Variants in GRIP1 observed in about 807,000 individuals in gnomAD.
GRIP1 encodes glutamate receptor interacting protein 1.
Under a neutral mutation model 129.9 loss-of-function variants are expected in GRIP1, and 45 were observed. The ratio of observed to expected loss-of-function variants is 0.35; its 90% CI spans 0.27 to 0.44. GRIP1 has a LOEUF of 0.44. GRIP1 is among the 20% of genes least tolerant of loss of function. GRIP1 has a pLI of 1.00. For synonymous variants in GRIP1, 530 were observed against 520.8 expected, an observed-to-expected ratio of 1.02 and a Z score of -0.24; for missense variants, 1,196 against 1,396.8, an observed-to-expected ratio of 0.86 and a Z score of 2.29.
chr12:66,571,269 C>T (rs1274790619), intron 2 of GRIP1, among the ~76,000 whole-genome samples: 1 of 152,132 alleles, frequency 6.6e-6, no homozygotes, highest in South Asian at 2.1e-4. Context: ...TTGAGTAAAC[C>T]ACCTGCCAAA....
At chr12:67,058,270 G>A (rs559615808) in intron 1 of GRIP1, among the ~76,000 whole-genome samples, 1 of 152,128 alleles carries the variant, frequency 6.6e-6, no homozygotes, top group African/African-American at 2.4e-5. Flanking sequence ...CTCAAATGAT[G>A]AACTGTGCCT....
At chr12:66,875,519 T>A (rs1489301478) in intron 1 of GRIP1, among the ~76,000 whole-genome samples, 2 of 152,042 alleles carry the variant, frequency 1.3e-5, no homozygotes, top group African/African-American at 2.4e-5. Flanking sequence ...ACATCCACCA[T>A]AAAAATAAAG....
At chr12:66,527,534 G>C (rs1195993012) in intron 5 of GRIP1, among the ~76,000 whole-genome samples, 3 of 151,970 alleles carry the variant, frequency 2.0e-5, no homozygotes, top group Non-Finnish European at 4.4e-5. Flanking sequence ...TGGGGTGTGG[G>C]GATGGGGGAG....
chr12:66,763,282 C>T (rs2037528563), intron 1 of GRIP1, among the ~76,000 whole-genome samples: 1 of 152,138 alleles, frequency 6.6e-6, no homozygotes, highest in African/African-American at 2.4e-5. Flanking sequence ...AGAAATCAGA[C>T]ACCCTTGCAA....
intron 1 of GRIP1, among the ~76,000 whole-genome samples, chr12:67,054,713 A>C (rs987242258): frequency 1.3e-5 from 2 of 151,970 alleles, no homozygotes; most frequent in Non-Finnish European, 2.9e-5. Context: ...GCAGTGAGCC[A>C]AGATTGCACC....
chr12:66,380,333 C>G (rs2056046658), intron 19 of GRIP1, among the ~76,000 whole-genome samples: 1 of 152,190 alleles, frequency 6.6e-6, no homozygotes, highest in Admixed American at 6.6e-5. Context: ...CTTATTTCAA[C>G]CAGGCACAAA....
At chr12:67,002,845 T>C (rs1168201231) in intron 1 of GRIP1, among the ~76,000 whole-genome samples, 1 of 152,204 alleles carries the variant, frequency 6.6e-6, no homozygotes, top group African/African-American at 2.4e-5. Context: ...TTTGTACTTA[T>C]CAGGATGAAA....
intron 1 of GRIP1, among the ~76,000 whole-genome samples, chr12:66,633,770 G>A (rs1592678498): frequency 1.3e-5 from 2 of 152,200 alleles, no homozygotes; most frequent in East Asian, 3.9e-4. Context: ...CCTCTGCTAT[G>A]TGACCCCTGG....
At chr12:67,025,786 C>T (rs117324427) in intron 1 of GRIP1, among the ~76,000 whole-genome samples, 1 of 151,986 alleles carries the variant, frequency 6.6e-6, no homozygotes, top group Non-Finnish European at 1.5e-5. Context: ...ATCCAGGCAA[C>T]GAGGCATAAT....
intron 1 of GRIP1, among the ~76,000 whole-genome samples, chr12:66,732,723 A>G (rs943340876): frequency 6.6e-6 from 1 of 152,126 alleles, no homozygotes; most frequent in African/African-American, 2.4e-5. Flanking sequence ...TCAACTGACT[A>G]TTGATGTTAT....
intron 1 of GRIP1, among the ~76,000 whole-genome samples, chr12:66,934,535 T>G (rs1002290918): frequency 6.6e-6 from 1 of 152,210 alleles, no homozygotes; most frequent in African/African-American, 2.4e-5. Context: ...CACAATGCCC[T>G]TCACATGCCA....
intron 7 of GRIP1, among the ~76,000 whole-genome samples, chr12:66,498,152 G>C (rs1398774057): frequency 1.3e-5 from 2 of 152,170 alleles, no homozygotes; most frequent in Non-Finnish European, 2.9e-5. Context: ...CAGCCCGCCT[G>C]CACCCAGGTG....
chr12:66,376,349 C>A (rs1044528004), intron 22 of GRIP1, among the ~76,000 whole-genome samples: 2 of 152,146 alleles, frequency 1.3e-5, no homozygotes, highest in South Asian at 4.1e-4. Context: ...GACTTGGGGA[C>A]CTCATAAGAC....
intron 7 of GRIP1, among the ~76,000 whole-genome samples, chr12:66,497,163 C>T (rs965714634): frequency 2.6e-5 from 4 of 152,136 alleles, no homozygotes; most frequent in African/African-American, 9.7e-5. Flanking sequence ...GTTTCCCCGT[C>T]CCTGCCCTTC....
chr12:66,686,362 G>C (rs2034784799), intron 1 of GRIP1, among the ~76,000 whole-genome samples: 1 of 152,326 alleles, frequency 6.6e-6, no homozygotes, highest in Non-Finnish European at 1.5e-5. Flanking sequence ...GTCTTGGTCT[G>C]TGTATGAAGG....
chr12:66,713,141 T>C (rs1233885043), intron 1 of GRIP1, among the ~76,000 whole-genome samples: 1 of 152,034 alleles, frequency 6.6e-6, no homozygotes, highest in African/African-American at 2.4e-5. Flanking sequence ...CCATCAAAAA[T>C]GTCATTTATT....
At chr12:66,888,914 T>C (rs1310920805) in intron 1 of GRIP1, among the ~76,000 whole-genome samples, 4 of 152,210 alleles carry the variant, frequency 2.6e-5, no homozygotes, top group African/African-American at 9.6e-5. Context: ...GCCCTAAAAA[T>C]ATTTGAAGAC....
chr12:66,663,220 A>G (rs1190348235), intron 1 of GRIP1, among the ~76,000 whole-genome samples: 1 of 152,226 alleles, frequency 6.6e-6, no homozygotes, highest in Non-Finnish European at 1.5e-5. Context: ...TAGCATAGAT[A>G]CACTAATGAT....
At chr12:66,845,235 C>T (rs555622007) in intron 1 of GRIP1, among the ~76,000 whole-genome samples, 24 of 146,782 alleles carry the variant, frequency 1.6e-4, no homozygotes, top group Middle Eastern at 6.9e-3. Context: ...GGCGGGTGGA[C>T]CACTTGAGGT....
Sources: allele counts gnomAD v4.1 joint callset (sites outside exome capture counted in the v4.1 genomes callset), GRCh38; gene constraint gnomAD v4.1.1; transcripts MANE v1.5; gene names NCBI Gene and HGNC (gene_info 2026-07-23, HGNC 2026-07-21).